Variants in DOCK1 observed in about 807,000 individuals in gnomAD.
DOCK1 encodes dedicator of cytokinesis 1.
DOCK1 carries 138 observed loss-of-function variants against 262.7 expected under a neutral mutation model. The observed-to-expected ratio is 0.53, with a 90% confidence interval of 0.46 to 0.61. The LOEUF (loss-of-function observed/expected upper bound fraction) is 0.61. Ranked by LOEUF, DOCK1 falls within the 20% of genes least tolerant of loss-of-function variation. The pLI is 0.00. For synonymous variants in DOCK1, 866 were observed against 867.4 expected (o/e 1.00, Z 0.03); for missense variants, 1,908 against 2,370.7 (o/e 0.80, Z 4.05).
intron 31 of DOCK1, among the ~76,000 whole-genome samples, chr10:127,351,322 G>A (rs1006218): frequency 0.41 from 62,259 of 151,894 alleles, 13,036 homozygotes; most frequent in South Asian, 0.57. Flanking sequence ...CGGTGGAGTC[G>A]GGCATGTGTG....
At chr10:127,127,799 C>G (rs1564822840) in intron 27 of DOCK1, 35 bp downstream of exon 27, 1 of 1,568,904 alleles carries the variant, frequency 6.4e-7, no homozygotes, top group East Asian at 2.3e-5. Context: ...GGATATTTAA[C>G]TGGGGCTGAC....
chr10:127,200,272 C>G (rs1274835005), intron 27 of DOCK1, among the ~76,000 whole-genome samples: 4 of 152,156 alleles, frequency 2.6e-5, no homozygotes, highest in Non-Finnish European at 5.9e-5. Context: ...CAGAGTGGGA[C>G]ATTCCCAAAA....
intron 27 of DOCK1, among the ~76,000 whole-genome samples, chr10:127,130,107 A>G (rs184839476): frequency 7.9e-6 from 1 of 126,560 alleles, no homozygotes; most frequent in East Asian, 2.3e-4. Context: ...CCCCTGAGAT[A>G]GAGTCTTGCT....
chr10:127,087,151 A>G (rs1343121988), intron 23 of DOCK1, among the ~76,000 whole-genome samples: 1 of 152,190 alleles, frequency 6.6e-6, no homozygotes, highest in Non-Finnish European at 1.5e-5. Flanking sequence ...GGTTTATTAA[A>G]TATCTAAGTG....
rs886068843 is a variant in DOCK1 at position 127,266,190 on chromosome 10, G to A, written c.3044+8761G>A. Among the ~76,000 whole-genome samples, 6 of 152,214 alleles carry A rather than the reference G, an allele frequency of 3.9e-5. No homozygotes were observed. In the East Asian group the frequency reaches 1.2e-3, roughly 29 times the overall value. ...GCACCTCTGCATCCCAATTAAGGGT[G>A]CATAGTTGAATATTCTTTGTGCAGG... On this transcript the variant is annotated intron_variant, in intron 29 of 51. Coordinates refer to ENST00000623213, the MANE Select transcript of DOCK1 (RefSeq NM_001290223.2).
chr10:127,450,745 T>C (rs1445538855), intron 51 of DOCK1, among the ~76,000 whole-genome samples: 1 of 152,198 alleles, frequency 6.6e-6, no homozygotes, highest in African/African-American at 2.4e-5. Flanking sequence ...GCCCATGAGC[T>C]GAAGCCAGCC....
chr10:127,217,645 T>C (rs2498944), intron 27 of DOCK1, among the ~76,000 whole-genome samples: 152,205 of 152,388 alleles, frequency 1, 76,011 homozygotes, highest in Non-Finnish European at 1. Flanking sequence ...TCTGAGCATA[T>C]TCAAATATGC....
chr10:127,362,863 C>CCACACACACACATACACATCCCCA (rs2064590052), intron 33 of DOCK1, among the ~76,000 whole-genome samples: 1 of 64,952 alleles, frequency 1.5e-5, no homozygotes, highest in Non-Finnish European at 3.0e-5. Context: ...ATGTACATCC[C>CCACACACACACATACACATCCCCA]CACACACACA....
chr10:127,207,432 G>T (rs1166827036), intron 27 of DOCK1, among the ~76,000 whole-genome samples: 1 of 151,966 alleles, frequency 6.6e-6, no homozygotes, highest in Non-Finnish European at 1.5e-5. Context: ...CAAAAGATAG[G>T]CATATTTTGG....
chr10:127,261,260 TGG>T (rs2060084096), intron 29 of DOCK1, among the ~76,000 whole-genome samples: 3 of 133,656 alleles, frequency 2.2e-5, no homozygotes, highest in Non-Finnish European at 4.8e-5. Flanking sequence ...TGTGTGCATG[TGG>T]GTGTGTGTGT....
rs1234848360 is a variant in DOCK1 at position 126,968,887 on chromosome 10, G to A, written c.47-1815G>A. On this transcript the variant is annotated intron_variant, in intron 1 of 51. Coordinates refer to ENST00000623213, the MANE Select transcript of DOCK1 (RefSeq NM_001290223.2). ...TAACTAATAACCATCTTTGTCAGTTGAGGACACTTACATTTTATGAATTTT... is the reference window on the plus strand; with the variant it reads ...TAACTAATAACCATCTTTGTCAGTTAAGGACACTTACATTTTATGAATTTT... Among the ~76,000 whole-genome samples the A allele has an allele frequency of 2.0e-5, 3 of 152,296 alleles. No homozygotes were observed. In the East Asian group the frequency reaches 5.8e-4, roughly 29 times the overall value.
chr10:127,121,066 G>A (rs1447153421), intron 25 of DOCK1, among the ~76,000 whole-genome samples: 2 of 152,158 alleles, frequency 1.3e-5, no homozygotes, highest in African/African-American at 2.4e-5. Flanking sequence ...AGAGCCAGCA[G>A]GGGGGATTGC....
intron 27 of DOCK1, among the ~76,000 whole-genome samples, chr10:127,133,309 A>G (rs1370101505): frequency 6.6e-6 from 1 of 152,228 alleles, no homozygotes; most frequent in Admixed American, 6.5e-5. Context: ...ATGAGCATTC[A>G]TTTTGAGATG....
chr10:127,338,853 T>C (rs2063306485), intron 29 of DOCK1, among the ~76,000 whole-genome samples, 153 bp from the exon 30 acceptor site: 1 of 152,254 alleles, frequency 6.6e-6, no homozygotes, highest in Non-Finnish European at 1.5e-5. Flanking sequence ...TATAATTCCG[T>C]GATCTTTTCG....
At chr10:127,426,104 C>A (rs1172508995) in intron 47 of DOCK1, 93 bp downstream of exon 47, 9 of 1,572,116 alleles carry the variant, frequency 5.7e-6, no homozygotes, top group Non-Finnish European at 6.9e-6. Flanking sequence ...GAGGAACTCA[C>A]ATGTACACAT....
At chr10:126,946,360 A>G (rs2035405008) in intron 1 of DOCK1, among the ~76,000 whole-genome samples, 1 of 152,254 alleles carries the variant, frequency 6.6e-6, no homozygotes, top group Non-Finnish European at 1.5e-5. Context: ...CAGCCTGGCC[A>G]ACATGGTGAA....
intron 27 of DOCK1, among the ~76,000 whole-genome samples, chr10:127,217,155 C>G (rs150359916): frequency 2.6e-4 from 39 of 152,334 alleles, no homozygotes; most frequent in African/African-American, 9.1e-4. Context: ...AGAGCTAGAA[C>G]CAGTGTCTGT....
At chr10:127,086,811 GA>G (rs1464158808) in intron 23 of DOCK1, among the ~76,000 whole-genome samples, 1 of 152,176 alleles carries the variant, frequency 6.6e-6, no homozygotes, top group Non-Finnish European at 1.5e-5. Context: ...TTATGAAATG[GA>G]GAGTGGACGA....
At chr10:127,262,980 C>G (rs1361211953) in intron 29 of DOCK1, among the ~76,000 whole-genome samples, 1 of 152,186 alleles carries the variant, frequency 6.6e-6, no homozygotes, top group East Asian at 1.9e-4. Context: ...AGAGCATCCA[C>G]CCCAGAGCCG....
Sources: allele counts gnomAD v4.1 joint callset (sites outside exome capture counted in the v4.1 genomes callset), GRCh38; gene constraint gnomAD v4.1.1; transcripts MANE v1.5; gene names NCBI Gene and HGNC (gene_info 2026-07-23, HGNC 2026-07-21).